The following SMAD2 variants were observed in gnomAD, a reference collection of about 807,000 sequenced individuals.
SMAD2 encodes the protein SMAD family member 2.
Under a neutral mutation model 64.4 loss-of-function variants are expected in SMAD2, and 8 were observed. The observed-to-expected ratio is 0.12, with a 90% CI of 0.07 to 0.22. The LOEUF is 0.22. Among genes scored for constraint, SMAD2 ranks in the 10% least tolerant of loss-of-function variants. SMAD2 has a pLI of 1.00. For synonymous variants in SMAD2, 203 were observed against 195.8 expected (o/e 1.04, Z -0.31); for missense variants, 289 against 561.2 (o/e 0.51, Z 4.90).
rs1416010508 is a variant in SMAD2 at position 47,866,309 on chromosome 18, AC to A, written c.656-1177del. Among the ~76,000 whole-genome samples the A allele has an allele frequency of 8.6e-5, 8 of 92,722 alleles. No individual in the cohort carries two copies. In the South Asian group the frequency reaches 3.3e-3, roughly 38 times the overall value. 60.8% of individuals were successfully genotyped at this position (92,722 alleles called of 152,430 possible). On this transcript the variant is annotated intron_variant, in intron 5 of 10. Transcript: ENST00000262160. ...CCAGCCTGGGCAACAAGAGCAAAAC[AC>A]CGTCTCAAAAAAAAAAAAAAAAAAA...
rs1471544269 is a variant in SMAD2, at chr18:47,829,256, A to C, written c.*12571T>G. ...AAGCTCCCTTACCCAATCCCAACAAACAACCATCAATGTCCTATTCATTCA... is the reference window on the plus strand; with the variant it reads ...AAGCTCCCTTACCCAATCCCAACAACCAACCATCAATGTCCTATTCATTCA... On this transcript the variant is annotated 3_prime_UTR_variant, in exon 11 of 11. Transcript: ENST00000262160. 1.3e-5 allele frequency: 2 copies of C among 152,170 alleles called. No individual in the cohort carries two copies. The highest frequency in any genetic ancestry group is 2.4e-5 in the African/African-American group (1 of 41,430). 9.4% of individuals were successfully genotyped at this position (152,170 alleles called of 1,614,324 possible). A position where few individuals can be genotyped will look rare whatever the true frequency, so the allele number is the denominator to read the frequency against.
At chr18:47,872,224 A>G (rs2031978736) in intron 2 of SMAD2, among the ~76,000 whole-genome samples, 1 of 152,178 alleles carries the variant, frequency 6.6e-6, no homozygotes, top group Non-Finnish European at 1.5e-5. Context: ...CAAAATTGGA[A>G]GGTTTATTTT....
chr18:47,913,958 A>C (rs2034239443), intron 1 of SMAD2, among the ~76,000 whole-genome samples: 2 of 152,230 alleles, frequency 1.3e-5, no homozygotes, highest in Non-Finnish European at 2.9e-5. Flanking sequence ...TCAGCTTACC[A>C]AATGATACCT....
At position 47,814,743 on chromosome 18, in the gene SMAD2, G is replaced by A. The variant is rs1912314063; in HGVS notation, c.*27084C>T. The A allele has an allele frequency of 2.0e-5, 3 of 152,252 alleles. No individual in the cohort carries two copies. Among genetic ancestry groups the A allele is most frequent in the Non-Finnish European group, 4.4e-5 (3 of 68,110 alleles). 9.4% of individuals were successfully genotyped at this position (152,252 alleles called of 1,614,324 possible). On this transcript the variant is annotated 3_prime_UTR_variant, in exon 11 of 11. Transcript: ENST00000262160. ...AGCACTAGCTCAGCATTGGTGGAAGGAGGTGTCTAGTCAGTCTGAGAAAAT... is the reference window on the plus strand; with the variant it reads ...AGCACTAGCTCAGCATTGGTGGAAGAAGGTGTCTAGTCAGTCTGAGAAAAT...
chr18:47,813,404 ATTT>A lies in SMAD2; in HGVS notation c.*28420_*28422del, dbSNP rs35965895. The A allele has an allele frequency of 0.019, 2,165 of 113,878 alleles. 47 individuals carry two copies. Among genetic ancestry groups the A allele is most frequent in the African/African-American group, 0.066 (2,005 of 30,358 alleles). The allele number at this position is 113,878 out of a possible 1,614,324, so 7.1% of individuals were successfully genotyped here. Reference sequence around the variant, plus strand: ...AGGTGCCTGCCACCATGCCCAGCTAATTTTTTTTTTTTTTTTTTTTGAGATGGA... The same window carrying A: ...AGGTGCCTGCCACCATGCCCAGCTAATTTTTTTTTTTTTTTTTGAGATGGA... On this transcript the variant is annotated 3_prime_UTR_variant, in exon 11 of 11. Coordinates refer to ENST00000262160, the MANE Select transcript of SMAD2 (RefSeq NM_005901.6).
intron 1 of SMAD2, among the ~76,000 whole-genome samples, chr18:47,919,772 A>G (rs2144539056): frequency 6.6e-6 from 1 of 152,260 alleles, no homozygotes; most frequent in Non-Finnish European, 1.5e-5. Flanking sequence ...ATGGGGCCAT[A>G]AAGAACAGCT....
At chr18:47,865,829 C>T (rs546461606) in intron 5 of SMAD2, among the ~76,000 whole-genome samples, 29 of 152,172 alleles carry the variant, frequency 1.9e-4, no homozygotes, top group Middle Eastern at 3.4e-3. Context: ...CTGAATAAAA[C>T]ACTTATGTTC....
chr18:47,886,515 G>T (rs2032905473), intron 2 of SMAD2, among the ~76,000 whole-genome samples: 1 of 151,810 alleles, frequency 6.6e-6, no homozygotes, highest in Non-Finnish European at 1.5e-5. Context: ...TTCTTTCATT[G>T]CCCCCAAACC....
chr18:47,892,769 A>T (rs1270750374), intron 2 of SMAD2, among the ~76,000 whole-genome samples: 1 of 152,204 alleles, frequency 6.6e-6, no homozygotes, highest in Admixed American at 6.5e-5. Flanking sequence ...ATCTTTGACA[A>T]TATTCTGATT....
rs1382937641 is a variant in SMAD2, at chr18:47,829,948, T to C, written c.*11879A>G. The stretch of plus-strand genomic sequence containing the variant: ...TTAAAAATTTGAATTTCCCTTTGCC[T>C]ACAAGTCTAAGTAACTTGCAGCAGC... On this transcript the variant is annotated 3_prime_UTR_variant, in exon 11 of 11. Transcript: ENST00000262160. The C allele has an allele frequency of 6.6e-6, 1 of 152,212 alleles. No individual in the cohort carries two copies. The allele number at this position is 152,212 out of a possible 1,614,324, so 9.4% of individuals were successfully genotyped here.
chr18:47,883,831 T>C (rs1259643572), intron 2 of SMAD2, among the ~76,000 whole-genome samples: 1 of 152,206 alleles, frequency 6.6e-6, no homozygotes, highest in Non-Finnish European at 1.5e-5. Flanking sequence ...TTTTTATTTA[T>C]CCTGTTTGTG....
rs2033455128 is a variant in SMAD2 at position 47,896,774 on chromosome 18, C to A, written c.-18G>T. 3.1e-6 allele frequency: 5 copies of A among 1,611,254 alleles called. No homozygotes were observed. Among genetic ancestry groups the A allele is most frequent in the Non-Finnish European group, 4.2e-6 (5 of 1,178,866 alleles). ...GACGACATGTTCTTACCAAAGGCAG[C>A]AAGCCACGCTAGGAAAACAGCCTCT... On this transcript the variant is annotated 5_prime_UTR_variant, in exon 2 of 11. Transcript: ENST00000262160.
At chr18:47,869,459 G>C (rs777466608) in intron 3 of SMAD2, 23 bp from the exon 4 acceptor site, 5 of 1,324,118 alleles carry the variant, frequency 3.8e-6, no homozygotes, top group Admixed American at 4.6e-5. Context: ...AAGGGGAAAA[G>C]AAAGGAGGGA....
At chr18:47,883,662 T>C (rs2144426450) in intron 2 of SMAD2, among the ~76,000 whole-genome samples, 1 of 152,312 alleles carries the variant, frequency 6.6e-6, no homozygotes, top group South Asian at 2.1e-4. Context: ...TACAATTTAT[T>C]GTTATGACTC....
intron 10 of SMAD2, among the ~76,000 whole-genome samples, chr18:47,843,448 TA>T (rs1914171001): frequency 6.6e-6 from 1 of 152,204 alleles, no homozygotes; most frequent in Non-Finnish European, 1.5e-5. Flanking sequence ...GGAGTAGGTT[TA>T]AGAAGGCTGC....
intron 1 of SMAD2, among the ~76,000 whole-genome samples, chr18:47,911,248 G>T (rs368019182): frequency 6.6e-6 from 1 of 152,014 alleles, no homozygotes; most frequent in Non-Finnish European, 1.5e-5. Context: ...CTACTCGTGA[G>T]GCTGAGGCAG....
chr18:47,851,610 C>G (rs1194577124), intron 6 of SMAD2, among the ~76,000 whole-genome samples: 1 of 152,082 alleles, frequency 6.6e-6, no homozygotes, highest in African/African-American at 2.4e-5. Context: ...GGTATCTTTC[C>G]AAAATACTCT....
At chr18:47,903,534 T>C (rs1160472672) in intron 1 of SMAD2, among the ~76,000 whole-genome samples, 1 of 152,132 alleles carries the variant, frequency 6.6e-6, no homozygotes, top group Admixed American at 6.6e-5. Flanking sequence ...AAAGTAAATA[T>C]TATTTACTTC....
At position 47,866,023 on chromosome 18, in the gene SMAD2, T is replaced by C. The variant is rs1390577605; in HGVS notation, c.656-890A>G. ...ACATATCCAAACAATTTTAAAATTA[T>C]CAAAAGAACGAGGCCAGGCGCGGTG... On this transcript the variant is annotated intron_variant, in intron 5 of 10. Transcript: ENST00000262160. Among the ~76,000 whole-genome samples the C allele has an allele frequency of 1.3e-5, 2 of 152,038 alleles. 1 individual carries two copies.
Sources: allele counts gnomAD v4.1 joint callset (sites outside exome capture counted in the v4.1 genomes callset), GRCh38; gene constraint gnomAD v4.1.1; transcripts MANE v1.5; gene names NCBI Gene and HGNC (gene_info 2026-07-23, HGNC 2026-07-21).